The following GREB1 variants were observed in gnomAD, a reference collection of about 807,000 sequenced individuals.
GREB1 encodes the protein protein GREB1.
In GREB1, 106 loss-of-function variants were observed where a neutral mutation model predicts 200.7. The observed-to-expected ratio is 0.53, with a 90% CI of 0.45 to 0.62. The LOEUF is 0.62. Among genes scored for constraint, GREB1 ranks in the 20% least tolerant of loss-of-function variants. GREB1 has a pLI of 0.00. For missense variants in GREB1, 2,243 were observed against 2,556.8 expected (o/e 0.88, Z 2.65); for synonymous variants, 1,132 against 1,092.4 (o/e 1.04, Z -0.72).
intron 1 of GREB1, among the ~76,000 whole-genome samples, chr2:11,508,324 C>T (rs922928494): frequency 5.9e-5 from 9 of 152,244 alleles, no homozygotes; most frequent in African/African-American, 2.2e-4. Context: ...TGGCCTCACC[C>T]TGCAGCCACC....
At chr2:11,565,528 G>A (rs1182111629) in intron 3 of GREB1, among the ~76,000 whole-genome samples, 1 of 152,212 alleles carries the variant, frequency 6.6e-6, no homozygotes, top group African/African-American at 2.4e-5. Flanking sequence ...AGGAGATGGG[G>A]CTGGGTGTGC....
intron 1 of GREB1, among the ~76,000 whole-genome samples, chr2:11,494,524 C>A (rs1000868322): frequency 6.6e-6 from 1 of 152,212 alleles, no homozygotes; most frequent in African/African-American, 2.4e-5. Flanking sequence ...TGGAGGGGAA[C>A]TTTGGTCTAG....
intron 1 of GREB1, among the ~76,000 whole-genome samples, chr2:11,495,846 G>C (rs937689314): frequency 6.8e-6 from 1 of 146,730 alleles, no homozygotes; most frequent in African/African-American, 2.6e-5. Context: ...TGCAGAACTC[G>C]ATGAGTGGGG....
intron 17 of GREB1, among the ~76,000 whole-genome samples, chr2:11,603,318 G>C (rs1292864217): frequency 6.6e-6 from 1 of 152,190 alleles, no homozygotes; most frequent in Non-Finnish European, 1.5e-5. Flanking sequence ...GTTTCTACCC[G>C]CTTTTCTTAC....
At chr2:11,630,171 G>T (rs1235223030) in intron 26 of GREB1, 62 bp downstream of exon 26, 7 of 1,533,054 alleles carry the variant, frequency 4.6e-6, no homozygotes, top group East Asian at 2.3e-5. Flanking sequence ...CTGAGCCGGG[G>T]ACTAGAGACA....
chr2:11,600,974 C>T lies in GREB1; in HGVS notation c.2508C>T (p.His836=). Residue 836 remains histidine, a synonymous_variant, in exon 16 of 33, where the codon CAC becomes CAT. Transcript: ENST00000381486. ...TCATCAGCCCCTACAACGAGATCCA[C>T]TGGCCTGCCTCCTGCAGTAATGTGA... ...HTLISPYNEI[H]WPASCSNGVD... is the part of the protein sequence containing the mutation. 3 of 1,611,812 alleles carry T rather than the reference C, an allele frequency of 1.9e-6. No individual in the cohort carries two copies. Among genetic ancestry groups the T allele is most frequent in the Non-Finnish European group, 2.5e-6 (3 of 1,177,986 alleles).
chr2:11,490,035 T>C (rs895055198), intron 1 of GREB1, among the ~76,000 whole-genome samples: 2 of 150,330 alleles, frequency 1.3e-5, no homozygotes, highest in African/African-American at 4.9e-5. Flanking sequence ...ATATATGTTA[T>C]ATATATAATT....
chr2:11,584,596 T>G (rs1679878125), intron 7 of GREB1, among the ~76,000 whole-genome samples: 1 of 152,234 alleles, frequency 6.6e-6, no homozygotes, highest in African/African-American at 2.4e-5. Flanking sequence ...CTGGCTACCT[T>G]ATTGGGTCCA....
chr2:11,579,130 T>A (rs748535231), intron 6 of GREB1, among the ~76,000 whole-genome samples: 31 of 152,336 alleles, frequency 2.0e-4, no homozygotes, highest in Admixed American at 6.5e-4. Flanking sequence ...TAGAGGCACA[T>A]TGGCCCTGGG....
At chr2:11,522,030 T>C (rs914827463) in intron 1 of GREB1, among the ~76,000 whole-genome samples, 1 of 152,192 alleles carries the variant, frequency 6.6e-6, no homozygotes, top group African/African-American at 2.4e-5. Context: ...CTGCAGGAAG[T>C]CTCTGCTTTG....
At chr2:11,590,662 G>C (rs575427002) in intron 10 of GREB1, among the ~76,000 whole-genome samples, 8 of 152,166 alleles carry the variant, frequency 5.3e-5, no homozygotes, top group Non-Finnish European at 1.2e-4. Flanking sequence ...CCAGGAATTA[G>C]GGTCTGTGAT....
At chr2:11,515,457 G>A (rs940389615) in intron 1 of GREB1, among the ~76,000 whole-genome samples, 1 of 152,238 alleles carries the variant, frequency 6.6e-6, no homozygotes, top group Non-Finnish European at 1.5e-5. Context: ...CTTGAATAAT[G>A]TAGACGTGAG....
At chr2:11,499,689 A>G (rs1672977931) in intron 1 of GREB1, among the ~76,000 whole-genome samples, 1 of 152,280 alleles carries the variant, frequency 6.6e-6, no homozygotes, top group African/African-American at 2.4e-5. Flanking sequence ...GGAAGAATAC[A>G]AAACAAAAAC....
chr2:11,607,535 T>C (rs1297838816), intron 17 of GREB1, among the ~76,000 whole-genome samples: 1 of 146,042 alleles, frequency 6.8e-6, no homozygotes, highest in Non-Finnish European at 1.5e-5. Flanking sequence ...TATACACATA[T>C]ATATACATAT....
Position 11,597,744 on chromosome 2 carries a change from C to T in GREB1, c.1955-37C>T, listed in dbSNP as rs1431290937. 5.0e-6 allele frequency: 8 copies of T among 1,599,672 alleles called. No homozygotes were observed. The highest frequency in any genetic ancestry group is 2.2e-5 in the East Asian group (1 of 44,774). On this transcript the variant is annotated intron_variant, in intron 13 of 32. Coordinates refer to ENST00000381486, the MANE Select transcript of GREB1 (RefSeq NM_014668.4). This position sits in a 1 kb window ranked among gnomAD's most constrained non-coding sequence, Gnocchi z 4.1. ...AAGGGCCTGGCAGTAGCCGTGTGCCCTGGAGCTCACCTGGCATCCTGGGGC... is the reference window on the plus strand; with the variant it reads ...AAGGGCCTGGCAGTAGCCGTGTGCCTTGGAGCTCACCTGGCATCCTGGGGC...
At chr2:11,563,296 G>A (rs1052058363) in intron 3 of GREB1, among the ~76,000 whole-genome samples, 1 of 152,188 alleles carries the variant, frequency 6.6e-6, no homozygotes, top group African/African-American at 2.4e-5. Flanking sequence ...ATACCCATCA[G>A]TACGTCAATG....
chr2:11,638,902 T>C (rs1164370884), intron 32 of GREB1, 93 bp downstream of exon 32: 1 of 1,291,020 alleles, frequency 7.7e-7, no homozygotes, highest in Non-Finnish European at 1.1e-6. Flanking sequence ...AGTCCTTATT[T>C]GCCCATGGGT....
At chr2:11,499,751 T>C (rs1426255691) in intron 1 of GREB1, among the ~76,000 whole-genome samples, 1 of 152,254 alleles carries the variant, frequency 6.6e-6, no homozygotes, top group Admixed American at 6.5e-5. Flanking sequence ...AGATTCTTCA[T>C]ATCCTTTTAA....
intron 19 of GREB1, among the ~76,000 whole-genome samples, chr2:11,614,124 G>GTTTTTTT (rs1558636075): frequency 7.5e-6 from 1 of 133,400 alleles, no homozygotes. Context: ...AGCGGACTTA[G>GTTTTTTT]ATTTTTTTTT....
Sources: allele counts gnomAD v4.1 joint callset (sites outside exome capture counted in the v4.1 genomes callset), GRCh38; gene constraint gnomAD v4.1.1; non-coding constraint Gnocchi (gnomAD v3.1); transcripts MANE v1.5; gene names NCBI Gene and HGNC (gene_info 2026-07-23, HGNC 2026-07-21).